Variants in HOMER1 observed in about 807,000 individuals in gnomAD.
HOMER1 encodes the protein homer scaffold protein 1.
HOMER1 carries 3 observed loss-of-function variants against 48.9 expected under a neutral mutation model. The observed-to-expected ratio is 0.06, with a 90% CI of 0.03 to 0.16. The LOEUF is 0.16. Among genes scored for constraint, HOMER1 ranks in the 10% least tolerant of loss-of-function variants. The probability of loss-of-function intolerance (pLI) is 1.00; values close to 1 mark genes in which losing one functional copy is unlikely to be tolerated. For missense variants in HOMER1, 247 were observed against 411.4 expected, an observed-to-expected ratio of 0.60 and a Z score of 3.46; for synonymous variants, 134 against 146.4, an observed-to-expected ratio of 0.92 and a Z score of 0.61.
chr5:79,430,970 G>T (rs999984235), intron 5 of HOMER1, among the ~76,000 whole-genome samples: 1 of 151,978 alleles, frequency 6.6e-6, no homozygotes, highest in Non-Finnish European at 1.5e-5. Context: ...TATATTCATA[G>T]AGCAAGAATA....
intron 4 of HOMER1, among the ~76,000 whole-genome samples, chr5:79,441,253 G>C (rs565984947): frequency 1.2e-4 from 18 of 152,326 alleles, no homozygotes; most frequent in African/African-American, 4.3e-4. Flanking sequence ...TGCTGGAACT[G>C]GTTGACAAGA....
At chr5:79,432,395 T>A (rs1391609938) in intron 5 of HOMER1, among the ~76,000 whole-genome samples, 1 of 152,164 alleles carries the variant, frequency 6.6e-6, no homozygotes, top group Non-Finnish European at 1.5e-5. Context: ...CTAGTCTTCT[T>A]GAAAAGAGAA....
At chr5:79,511,832 C>T (rs1223430674) in intron 1 of HOMER1, among the ~76,000 whole-genome samples, 1 of 152,212 alleles carries the variant, frequency 6.6e-6, no homozygotes, top group Non-Finnish European at 1.5e-5. Context: ...AGAGTCCATT[C>T]TTTAAAACAT....
At position 79,397,125 on chromosome 5, in the gene HOMER1, C is replaced by G. The variant is rs535755025; in HGVS notation, c.796-222G>C. ...GTCTAACTTGGTGCTTCTGGTACAG[C>G]AATGCTTAGAAATAACAACCTGAAC... On this transcript the variant is annotated intron_variant, in intron 7 of 8. Transcript: ENST00000334082. Among the ~76,000 whole-genome samples, 12 of 152,284 alleles carry G rather than the reference C, an allele frequency of 7.9e-5. No individual in the cohort carries two copies. In the South Asian group the frequency reaches 2.5e-3, roughly 32 times the overall value.
At chr5:79,458,388 TTTAATA>T (rs1259701951) in intron 1 of HOMER1, among the ~76,000 whole-genome samples, 1 of 152,020 alleles carries the variant, frequency 6.6e-6, no homozygotes, top group East Asian at 1.9e-4. Flanking sequence ...ATTGGTAATA[TTTAATA>T]TTAAGTAAAT....
At chr5:79,486,944 T>C (rs1456218982) in intron 1 of HOMER1, among the ~76,000 whole-genome samples, 1 of 152,166 alleles carries the variant, frequency 6.6e-6, no homozygotes, top group East Asian at 1.9e-4. Flanking sequence ...AAGTACCCTT[T>C]GAGAATAAAA....
At chr5:79,389,611 G>A (rs969597441) in intron 8 of HOMER1, among the ~76,000 whole-genome samples, 1 of 152,162 alleles carries the variant, frequency 6.6e-6, no homozygotes. Flanking sequence ...TGAGGAGGCC[G>A]CATTCATTCC....
At chr5:79,457,892 A>G (rs7712544) in intron 1 of HOMER1, among the ~76,000 whole-genome samples, 93,751 of 152,022 alleles carry the variant, frequency 0.62, 31,504 homozygotes, top group East Asian at 0.99. Flanking sequence ...ACTCTTACAA[A>G]GTTAATATTT....
chr5:79,404,753 G>A (rs1329002584), intron 5 of HOMER1, among the ~76,000 whole-genome samples: 1 of 151,964 alleles, frequency 6.6e-6, no homozygotes, highest in Non-Finnish European at 1.5e-5. Context: ...TGCCCAGGCT[G>A]GAGTGCAATG....
intron 1 of HOMER1, among the ~76,000 whole-genome samples, chr5:79,491,682 G>A (rs1355194672): frequency 6.6e-6 from 1 of 152,048 alleles, no homozygotes; most frequent in African/African-American, 2.4e-5. Context: ...TTCTGGAACT[G>A]CTTAGTCAAT....
At chr5:79,488,326 G>A (rs1025547311) in intron 1 of HOMER1, among the ~76,000 whole-genome samples, 4 of 152,234 alleles carry the variant, frequency 2.6e-5, no homozygotes, top group African/African-American at 9.6e-5. Context: ...ATTGATGCAG[G>A]AGATTAATGC....
chr5:79,374,487 A>T lies in HOMER1; in HGVS notation c.*1522T>A, dbSNP rs778646758. 2.0e-5 allele frequency: 3 copies of T among 152,156 alleles called. No individual in the cohort carries two copies. The highest frequency in any genetic ancestry group is 4.4e-5 in the Non-Finnish European group (3 of 67,864). The allele number at this position is 152,156 out of a possible 1,614,324, so 9.4% of individuals were successfully genotyped here. On this transcript the variant is annotated 3_prime_UTR_variant, in exon 9 of 9. Coordinates refer to ENST00000334082, the MANE Select transcript of HOMER1 (RefSeq NM_004272.5). ...TTGAGTAGCTGTTTATGAGTGAAAA[A>T]ATGGTTACAAATTGGTTAATTAGCT...
At chr5:79,502,860 A>G (rs759780824) in intron 1 of HOMER1, among the ~76,000 whole-genome samples, 37 of 152,128 alleles carry the variant, frequency 2.4e-4, no homozygotes, top group Admixed American at 3.9e-4. Flanking sequence ...GCGCAATCTC[A>G]GCTCACTGCA....
intron 5 of HOMER1, among the ~76,000 whole-genome samples, chr5:79,403,697 C>T (rs143711978): frequency 1.3e-5 from 2 of 152,234 alleles, no homozygotes; most frequent in Non-Finnish European, 2.9e-5. Flanking sequence ...TGTATCAATG[C>T]TACTGCCCTG....
At chr5:79,507,410 C>T (rs1455700199) in intron 1 of HOMER1, among the ~76,000 whole-genome samples, 2 of 151,968 alleles carry the variant, frequency 1.3e-5, no homozygotes, top group East Asian at 3.9e-4. Flanking sequence ...TGAAACTTTG[C>T]AATGCCTCAA....
intron 2 of HOMER1, 91 bp downstream of exon 2, chr5:79,456,766 TTTATA>T: frequency 9.3e-7 from 1 of 1,075,560 alleles, no homozygotes; most frequent in Non-Finnish European, 1.3e-6. Context: ...AAGGAAACAT[TTTATA>T]TTAATGAAGA....
chr5:79,438,915 T>C, intron 5 of HOMER1, 95 bp downstream of exon 5: 3 of 1,085,410 alleles, frequency 2.8e-6, no homozygotes, highest in Non-Finnish European at 4.0e-6. Flanking sequence ...AACCTGGAGT[T>C]TTCACTCAAA....
intron 3 of HOMER1, among the ~76,000 whole-genome samples, chr5:79,447,665 A>G (rs1249320562): frequency 1.3e-5 from 2 of 152,182 alleles, no homozygotes; most frequent in Non-Finnish European, 2.9e-5. Flanking sequence ...CTAAAAATTT[A>G]TTTCCGAAGA....
At chr5:79,449,258 A>C (rs367977669) in intron 3 of HOMER1, among the ~76,000 whole-genome samples, 16 of 151,298 alleles carry the variant, frequency 1.1e-4, no homozygotes, top group Non-Finnish European at 1.5e-4. Flanking sequence ...ATAAAAAAAA[A>C]CACAAAGTTC....
Sources: gnomAD v4.1 joint callset for allele counts (sites outside exome capture counted in the v4.1 genomes callset) on GRCh38, gnomAD v4.1.1 for gene constraint, MANE v1.5 for transcripts, NCBI Gene and HGNC (gene_info 2026-07-23, HGNC 2026-07-21) for gene names.